Variants in CFAP299 observed in about 807,000 individuals in gnomAD.
CFAP299 encodes cilia and flagella associated protein 299.
CFAP299 carries 21 observed loss-of-function variants against 27.0 expected under a neutral mutation model. The observed-to-expected ratio is 0.78, with a 90% confidence interval of 0.55 to 1.12. CFAP299 has a LOEUF of 1.12. CFAP299 is among the 50% of genes most tolerant of loss of function. The probability of loss-of-function intolerance (pLI) is 0.00; values close to 1 mark genes in which losing one functional copy is unlikely to be tolerated. For missense variants in CFAP299, 310 were observed against 276.6 expected (o/e 1.12, Z -0.86); for synonymous variants, 104 against 98.1 (o/e 1.06, Z -0.36).
intron 2 of CFAP299, chr4:80,387,891 C>A: frequency 9.8e-7 from 1 of 1,015,322 alleles, no homozygotes; most frequent in Non-Finnish European, 1.6e-6. Context: ...CAAAGATGGC[C>A]ACGGTGCCCC....
At chr4:80,821,891 A>AAC (rs3038531) in intron 3 of CFAP299, among the ~76,000 whole-genome samples, 8,427 of 149,164 alleles carry the variant, frequency 0.056, 463 homozygotes, top group African/African-American at 0.14. Flanking sequence ...CTCAGTACAC[A>AAC]ACACACACAC....
At chr4:80,730,808 T>C (rs1056139059) in intron 3 of CFAP299, among the ~76,000 whole-genome samples, 2 of 152,224 alleles carry the variant, frequency 1.3e-5, no homozygotes, top group African/African-American at 2.4e-5. Context: ...CCACTGTGCC[T>C]CTTTGCAATG....
intron 3 of CFAP299, among the ~76,000 whole-genome samples, chr4:80,831,752 A>G (rs1730311326): frequency 6.6e-6 from 1 of 152,174 alleles, no homozygotes; most frequent in African/African-American, 2.4e-5. Flanking sequence ...TTCCAAATGT[A>G]TACAACTGAT....
intron 2 of CFAP299, among the ~76,000 whole-genome samples, chr4:80,391,026 TATATGTATAC>T (rs1377893545): frequency 7.4e-6 from 1 of 134,786 alleles, no homozygotes; most frequent in South Asian, 2.9e-4. Context: ...TATATATGTA[TATATGTATAC>T]ACACACACAT....
chr4:80,922,449 T>C (rs1736091851), intron 4 of CFAP299, among the ~76,000 whole-genome samples: 1 of 152,048 alleles, frequency 6.6e-6, no homozygotes, highest in Non-Finnish European at 1.5e-5. Context: ...GCTTACAGTT[T>C]GCAGACTCAT....
At chr4:80,715,631 T>C (rs918183073) in intron 3 of CFAP299, among the ~76,000 whole-genome samples, 1 of 152,096 alleles carries the variant, frequency 6.6e-6, no homozygotes, top group African/African-American at 2.4e-5. Flanking sequence ...CATATGCTTT[T>C]TAGAAATAAA....
At chr4:80,424,542 A>T (rs1727445377) in intron 2 of CFAP299, among the ~76,000 whole-genome samples, 1 of 152,182 alleles carries the variant, frequency 6.6e-6, no homozygotes, top group Non-Finnish European at 1.5e-5. Flanking sequence ...TGAAATTAGG[A>T]AACTGTGGAG....
intron 1 of CFAP299, among the ~76,000 whole-genome samples, chr4:80,358,482 C>G (rs777298862): frequency 6.6e-6 from 1 of 152,086 alleles, no homozygotes. Context: ...CTTTGAAGGT[C>G]TCTAAGAACT....
At chr4:80,474,853 G>T (rs1333932192) in intron 2 of CFAP299, among the ~76,000 whole-genome samples, 1 of 152,094 alleles carries the variant, frequency 6.6e-6, no homozygotes, top group East Asian at 1.9e-4. Context: ...GAGGAAGAGA[G>T]ATCATAAACA....
intron 2 of CFAP299, among the ~76,000 whole-genome samples, chr4:80,495,754 T>C (rs1731402396): frequency 1.3e-5 from 2 of 152,258 alleles, no homozygotes; most frequent in South Asian, 4.1e-4. Flanking sequence ...ATGGTTCTGC[T>C]GGCTGTACAG....
At chr4:80,894,657 A>T (rs559577295) in intron 4 of CFAP299, among the ~76,000 whole-genome samples, 4 of 152,110 alleles carry the variant, frequency 2.6e-5, no homozygotes, top group South Asian at 4.1e-4. Flanking sequence ...AAAAAATCTA[A>T]CTACTATGTG....
intron 3 of CFAP299, among the ~76,000 whole-genome samples, chr4:80,691,156 C>A (rs1360102946): frequency 1.3e-5 from 1 of 78,586 alleles, no homozygotes; most frequent in Non-Finnish European, 2.6e-5. Flanking sequence ...CTATTCCAAT[C>A]AATAGAAAAA....
intron 3 of CFAP299, among the ~76,000 whole-genome samples, chr4:80,650,114 A>G (rs1228596122): frequency 6.6e-6 from 1 of 152,100 alleles, no homozygotes; most frequent in Non-Finnish European, 1.5e-5. Flanking sequence ...AATACCGTTT[A>G]TATGTAGAAT....
intron 2 of CFAP299, among the ~76,000 whole-genome samples, chr4:80,488,478 T>TA (rs1034996123): frequency 2.4e-4 from 36 of 150,964 alleles, no homozygotes; most frequent in African/African-American, 6.8e-4. Flanking sequence ...AAACACCTTT[T>TA]TTTTTTTTTT....
chr4:80,475,038 AG>A (rs1173699546), intron 2 of CFAP299, among the ~76,000 whole-genome samples: 1 of 152,166 alleles, frequency 6.6e-6, no homozygotes, highest in Non-Finnish European at 1.5e-5. Context: ...GCAAAGATTC[AG>A]GAGTATCCAG....
At chr4:80,859,911 G>A (rs538662731) in intron 3 of CFAP299, among the ~76,000 whole-genome samples, 3 of 152,236 alleles carry the variant, frequency 2.0e-5, no homozygotes, top group African/African-American at 7.2e-5. Context: ...TTCTCGAGGA[G>A]TATCTTTGTG....
At chr4:80,792,571 A>AT (rs1321887211) in intron 3 of CFAP299, among the ~76,000 whole-genome samples, 1 of 152,100 alleles carries the variant, frequency 6.6e-6, no homozygotes, top group African/African-American at 2.4e-5. Context: ...TTTAGATGTT[A>AT]TTTTTTATAG....
At chr4:80,621,992 A>G (rs1738627966) in intron 3 of CFAP299, among the ~76,000 whole-genome samples, 1 of 152,070 alleles carries the variant, frequency 6.6e-6, no homozygotes, top group Non-Finnish European at 1.5e-5. Flanking sequence ...GTGTTGGGAA[A>G]GTTTTGGCTG....
rs1395685094 is a variant in CFAP299, at chr4:80,449,432, A to G, written c.242+86548A>G. On this transcript the variant is annotated intron_variant, in intron 2 of 5. Coordinates refer to ENST00000358105, the MANE Select transcript of CFAP299 (RefSeq NM_152770.3). ...TCTATCTTTTCTTATTTCTTTATTAACTGTTGTTATTAACAATTAGTCAAG... is the reference window on the plus strand; with the variant it reads ...TCTATCTTTTCTTATTTCTTTATTAGCTGTTGTTATTAACAATTAGTCAAG... Among the ~76,000 whole-genome samples, 3 of 151,812 alleles carry G rather than the reference A, an allele frequency of 2.0e-5. No homozygotes were observed. In the East Asian group the frequency reaches 5.8e-4, roughly 29 times the overall value.
Sources: allele counts gnomAD v4.1 joint callset (sites outside exome capture counted in the v4.1 genomes callset), GRCh38; gene constraint gnomAD v4.1.1; transcripts MANE v1.5; gene names NCBI Gene and HGNC (gene_info 2026-07-23, HGNC 2026-07-21).